The following PEX2 variants were observed in gnomAD, a reference collection of about 807,000 sequenced individuals.
The protein encoded by PEX2 is peroxisome biogenesis factor 2.
PEX2 carries 19 observed loss-of-function variants against 25.2 expected under a neutral mutation model. The observed-to-expected ratio is 0.75, with a 90% CI of 0.53 to 1.10. The LOEUF is 1.10. Among genes scored for constraint, PEX2 ranks in the 50% least tolerant of loss-of-function variants. PEX2 has a pLI of 0.00. For synonymous variants in PEX2, 141 were observed against 127.7 expected (o/e 1.10, Z -0.70); for missense variants, 347 against 350.6 (o/e 0.99, Z 0.08).
rs1372421421 is a variant in PEX2, at chr8:76,983,333, C to T, written c.846G>A (p.Lys282=). 2 of 1,613,902 alleles carry T rather than the reference C, an allele frequency of 1.2e-6. No individual in the cohort carries two copies. Among genetic ancestry groups the T allele is most frequent in the Non-Finnish European group, 1.7e-6 (2 of 1,180,012 alleles). Residue 282 remains lysine, a synonymous_variant, in exon 4 of 4, where the codon AAG becomes AAA. Coordinates refer to ENST00000357039, the MANE Select transcript of PEX2 (RefSeq NM_000318.3). ...GCAGACTGTGTACTTCTGTGCCACACTTAGGACAAGTAAAGTACACGTCAA... is the reference window on the plus strand; with the variant it reads ...GCAGACTGTGTACTTCTGTGCCACATTTAGGACAAGTAAAGTACACGTCAA... ...FLFDVYFTCP[K]CGTEVHSLQP...
chr8:76,983,160 A>G lies in PEX2; in HGVS notation c.*101T>C, dbSNP rs1806886132. 6.3e-7 allele frequency: 1 copy of G among 1,592,084 alleles called. No individual in the cohort carries two copies. The highest frequency in any genetic ancestry group is 8.5e-7 in the Non-Finnish European group (1 of 1,176,508). On this transcript the variant is annotated 3_prime_UTR_variant, in exon 4 of 4. Coordinates refer to ENST00000357039, the MANE Select transcript of PEX2 (RefSeq NM_000318.3). Reference sequence around the variant, plus strand: ...AAAGGAGAAGACAGTGGCTAGGAGCACATTCCTTATAAAGGATACATAAAT... The same window carrying G: ...AAAGGAGAAGACAGTGGCTAGGAGCGCATTCCTTATAAAGGATACATAAAT...
At chr8:76,985,035 C>A (rs1217190049) in intron 3 of PEX2, among the ~76,000 whole-genome samples, 1 of 151,988 alleles carries the variant, frequency 6.6e-6, no homozygotes, top group Admixed American at 6.6e-5. Flanking sequence ...GTACAGCTTA[C>A]TGATTCAATA....
intron 3 of PEX2, among the ~76,000 whole-genome samples, chr8:76,984,807 T>C (rs1235153325): frequency 6.6e-6 from 1 of 152,088 alleles, no homozygotes; most frequent in African/African-American, 2.4e-5. Context: ...TATCACGCTA[T>C]TGCCGAAAAT....
rs765578350 is a variant in PEX2 at position 76,983,781 on chromosome 8, C to G, written c.398G>C (p.Gly133Ala). 6.2e-7 allele frequency: 1 copy of G among 1,614,026 alleles called. No individual in the cohort carries two copies. The highest frequency in any genetic ancestry group is 1.1e-5 in the South Asian group (1 of 91,080). ...AAAATTCACACACTGCTTGACTTTCCCAAATGATGCTAAATGATGGTTTCG... is the reference window on the plus strand; with the variant it reads ...AAAATTCACACACTGCTTGACTTTCGCAAATGATGCTAAATGATGGTTTCG... The part of the protein sequence containing the change: ...LFRNHHLASF[G>A]KVKQCVNFVI... Residue 133 changes from glycine to alanine, a missense_variant, in exon 4 of 4, where the codon GGG becomes GCG. By Grantham distance (60) the Gly-to-Ala change is moderately conservative. Coordinates refer to ENST00000357039, the MANE Select transcript of PEX2 (RefSeq NM_000318.3).
chr8:76,991,613 A>G (rs1330566796), intron 1 of PEX2, among the ~76,000 whole-genome samples: 2 of 152,200 alleles, frequency 1.3e-5, no homozygotes, highest in Non-Finnish European at 1.5e-5. Context: ...ATTACACACC[A>G]TAGTTCATTA....
intron 1 of PEX2, among the ~76,000 whole-genome samples, chr8:76,990,862 C>T (rs1194293393): frequency 6.6e-6 from 1 of 152,074 alleles, no homozygotes; most frequent in Non-Finnish European, 1.5e-5. Flanking sequence ...TACACAGAGA[C>T]ACCAAGTTGA....
At position 76,983,999 on chromosome 8, in the gene PEX2, T is replaced by A; in HGVS notation, c.180A>T (p.Leu60Phe). The A allele has an allele frequency of 6.2e-7, 1 of 1,614,158 alleles. No individual in the cohort carries two copies. Among genetic ancestry groups the A allele is most frequent in the Non-Finnish European group, 8.5e-7 (1 of 1,180,004 alleles). ...ARFEPEVKAC[L>F]WVFLWRFTIY... is the part of the protein sequence containing the mutation. ...TGGTGAATCTCCACAAGAAAACCCA[T>A]AAGCACGCTTTCACCTCTGGCTCAA... Residue 60 changes from leucine to phenylalanine, a missense_variant, in exon 4 of 4, where the codon TTA becomes TTT. Physicochemically the swap from Leu to Phe is conservative, Grantham distance 22 (BLOSUM62 0). Coordinates refer to ENST00000357039, the MANE Select transcript of PEX2 (RefSeq NM_000318.3).
At chr8:76,994,950 A>G (rs1374133114) in intron 1 of PEX2, among the ~76,000 whole-genome samples, 2 of 152,210 alleles carry the variant, frequency 1.3e-5, no homozygotes, top group African/African-American at 4.8e-5. Flanking sequence ...TTACTGTCCA[A>G]TGTATTGAAA....
chr8:76,995,776 A>G (rs983537866), intron 1 of PEX2, among the ~76,000 whole-genome samples: 1 of 152,238 alleles, frequency 6.6e-6, no homozygotes, highest in Admixed American at 6.5e-5. Context: ...GTGAAAATAA[A>G]GAACAGATGT....
rs367649632 is a variant in PEX2 at position 76,983,354 on chromosome 8, G to A, written c.825C>T (p.Asp275=). The part of the protein sequence containing the change: ...YFCAKSSFLF[D]VYFTCPKCGT... Reference sequence around the variant, plus strand: ...CACACTTAGGACAAGTAAAGTACACGTCAAATAAGAAACTACTCTTAGCAC... The same window carrying A: ...CACACTTAGGACAAGTAAAGTACACATCAAATAAGAAACTACTCTTAGCAC... The change falls in exon 4 of 4, where the codon GAC becomes GAT. Residue 275 remains aspartate, a synonymous_variant. Transcript: ENST00000357039. 1.9e-5 allele frequency: 31 copies of A among 1,613,810 alleles called. No individual in the cohort carries two copies. Among genetic ancestry groups the A allele is most frequent in the Middle Eastern group, 3.3e-4 (2 of 6,084 alleles).
intron 1 of PEX2, among the ~76,000 whole-genome samples, chr8:76,998,948 G>C (rs1313160674): frequency 7.0e-6 from 1 of 143,610 alleles, no homozygotes; most frequent in Non-Finnish European, 1.5e-5. Flanking sequence ...TCTATGTCCT[G>C]TTACTTCTAT....
Position 76,980,263 on chromosome 8 carries a change from A to G in PEX2, c.*2998T>C, listed in dbSNP as rs771171156. ...CTATCAAAATAATACAATTGTTGATATAACAATTTTGTTGACTTTATTTAA... is the reference window on the plus strand; with the variant it reads ...CTATCAAAATAATACAATTGTTGATGTAACAATTTTGTTGACTTTATTTAA... On this transcript the variant is annotated 3_prime_UTR_variant, in exon 4 of 4. Coordinates refer to ENST00000357039, the MANE Select transcript of PEX2 (RefSeq NM_000318.3). The G allele has an allele frequency of 2.0e-5, 3 of 152,236 alleles. No individual in the cohort carries two copies. Among genetic ancestry groups the G allele is most frequent in the Non-Finnish European group, 4.4e-5 (3 of 68,048 alleles). 9.4% of individuals were successfully genotyped at this position (152,236 alleles called of 1,614,324 possible).
At chr8:76,998,914 T>C (rs1000788711) in intron 1 of PEX2, among the ~76,000 whole-genome samples, 5 of 152,040 alleles carry the variant, frequency 3.3e-5, no homozygotes, top group African/African-American at 1.2e-4. Context: ...CTAATACTCT[T>C]CAGTCTACTA....
Position 76,983,310 on chromosome 8 carries a change from A to C in PEX2, c.869T>G (p.Leu290Arg), listed in dbSNP as rs756496949. Residue 290 changes from leucine (L) to arginine (R), a missense_variant, in exon 4 of 4, where the codon CTG becomes CGG. Physicochemically the swap from Leu to Arg is moderately radical, Grantham distance 102. Transcript: ENST00000357039. The stretch of plus-strand genomic sequence containing the variant: ...CTCGATTCCTGATTTCAGTGGCTGC[A>C]GACTGTGTACTTCTGTGCCACACTT... ...CPKCGTEVHS[L>R]QPLKSGIEMS... 9 of 1,613,884 alleles carry C rather than the reference A, an allele frequency of 5.6e-6. No individual in the cohort carries two copies. The highest frequency in any genetic ancestry group is 3.3e-5 in the Admixed American group (2 of 60,008).
At chr8:76,999,875 T>C (rs1807445361) in intron 1 of PEX2, 115 bp downstream of exon 1, 2 of 455,882 alleles carry the variant, frequency 4.4e-6, no homozygotes, top group East Asian at 7.0e-5. Flanking sequence ...AGGAAGCCAA[T>C]AAACAGGGAA....
rs939697845 is a variant in PEX2, at chr8:76,984,603, A to G, written c.-17-408T>C. On this transcript the variant is annotated intron_variant, in intron 3 of 3. Transcript: ENST00000357039. ...ACATGACTAATGAAGAGATACAGGA[A>G]GGTAATAAATACAACAACTATATAG... Among the ~76,000 whole-genome samples, 4 of 152,202 alleles carry G rather than the reference A, an allele frequency of 2.6e-5. No homozygotes were observed. In the East Asian group the frequency reaches 7.7e-4, roughly 29 times the overall value.
chr8:76,989,077 G>A (rs1044683950), intron 1 of PEX2, among the ~76,000 whole-genome samples: 2 of 151,616 alleles, frequency 1.3e-5, no homozygotes, highest in African/African-American at 4.8e-5. Flanking sequence ...CTAAGGGGAG[G>A]CTGACGCAGG....
chr8:76,998,364 T>C (rs1231567937), intron 1 of PEX2, among the ~76,000 whole-genome samples: 1 of 152,108 alleles, frequency 6.6e-6, no homozygotes, highest in Non-Finnish European at 1.5e-5. Context: ...GCATCAAATA[T>C]AAGCAAAACT....
intron 3 of PEX2, among the ~76,000 whole-genome samples, chr8:76,985,104 C>A (rs977831111): frequency 6.6e-6 from 1 of 150,810 alleles, no homozygotes; most frequent in African/African-American, 2.4e-5. Context: ...AACACCAAGT[C>A]ACTGCCATAA....
Sources: gnomAD v4.1 joint callset for allele counts (sites outside exome capture counted in the v4.1 genomes callset) on GRCh38, gnomAD v4.1.1 for gene constraint, MANE v1.5 for transcripts, NCBI Gene and HGNC (gene_info 2026-07-23, HGNC 2026-07-21) for gene names.